The following JPT2 variants were observed in gnomAD, a reference collection of about 807,000 sequenced individuals.
The protein encoded by JPT2 is CRAMP_1 like.
A neutral mutation model predicts 15.9 loss-of-function variants in JPT2; 9 were observed. The ratio of observed to expected loss-of-function variants is 0.57; its 90% CI spans 0.34 to 0.99. The LOEUF (loss-of-function observed/expected upper bound fraction) is 0.99. JPT2 is among the 50% of genes least tolerant of loss of function. JPT2 has a pLI of 0.02. For synonymous variants in JPT2, 95 were observed against 91.7 expected (o/e 1.04, Z -0.21); for missense variants, 267 against 252.1 (o/e 1.06, Z -0.40).
chr16:1,702,508 G>A (rs930652045), downstream of JPT2, among the ~76,000 whole-genome samples: 6 of 152,354 alleles, frequency 3.9e-5, no homozygotes, highest in South Asian at 2.1e-4. Context: ...AACAGACCCC[G>A]AAGGGTTGCC....
chr16:1,692,594 G>A (rs934145473), intron 3 of JPT2: 5 of 154,864 alleles, frequency 3.2e-5, no homozygotes, highest in African/African-American at 1.2e-4. Flanking sequence ...TATGGTGGAG[G>A]GCTTGCCTAA....
intron 1 of JPT2, 75 bp downstream of exon 1, chr16:1,678,431 A>G: frequency 1.2e-6 from 1 of 825,438 alleles, no homozygotes; most frequent in Non-Finnish European, 1.5e-6. Flanking sequence ...CAGGGCGTCC[A>G]CCAGCCGTGT....
intron 3 of JPT2, among the ~76,000 whole-genome samples, chr16:1,696,863 A>T (rs1045530752): frequency 6.6e-6 from 1 of 152,212 alleles, no homozygotes; most frequent in Non-Finnish European, 1.5e-5. Flanking sequence ...GCCCTCGTGC[A>T]TTGCTAGTGG....
chr16:1,702,352 C>G (rs2037185370), downstream of JPT2: 5 of 310,588 alleles, frequency 1.6e-5, no homozygotes, highest in South Asian at 1.0e-4. Context: ...AAATGACACG[C>G]TAAGTTTCCT....
chr16:1,692,157 A>G, intron 3 of JPT2, 172 bp downstream of exon 3: 1 of 835,574 alleles, frequency 1.2e-6, no homozygotes, highest in East Asian at 2.7e-5. Context: ...TGAGTCACCC[A>G]GGAAACAGTC....
intron 1 of JPT2, among the ~76,000 whole-genome samples, chr16:1,684,028 A>G (rs1191449249): frequency 6.6e-6 from 1 of 152,210 alleles, no homozygotes; most frequent in East Asian, 1.9e-4. Flanking sequence ...CTAGGTTACA[A>G]GGTTACATAT....
In JPT2 at chr16:1,685,452, C is replaced by G. The variant is rs371303987; in HGVS notation, c.58C>G (p.Pro20Ala). ...GRAGSRAMKP[P>A]GGESSNLFGS... ...CTGTGCTTGTAGGGCCATGAAGCCC[C>G]CAGGAGGAGAATCGAGCAATCTTTT... Residue 20 changes from proline (P) to alanine (A), a missense_variant, in exon 2 of 5, where the codon CCA becomes GCA. Pro to Ala is a conservative substitution (Grantham distance 27). Coordinates refer to ENST00000248098, the MANE Select transcript of JPT2 (RefSeq NM_144570.3). 1.2e-6 allele frequency: 2 copies of G among 1,613,986 alleles called. No homozygotes were observed. Among genetic ancestry groups the G allele is most frequent in the African/African-American group, 1.3e-5 (1 of 74,898 alleles).
chr16:1,680,428 G>A, intron 1 of JPT2: 1 of 1,201,560 alleles, frequency 8.3e-7, no homozygotes, highest in Non-Finnish European at 1.1e-6. Flanking sequence ...TGGACAAGGT[G>A]TTGAGAAAGG....
At chr16:1,690,404 C>T (rs372890532) in intron 2 of JPT2, 43 of 152,348 alleles carry the variant, frequency 2.8e-4, no homozygotes, top group African/African-American at 9.9e-4. Flanking sequence ...CTAAAAGCTC[C>T]TCTGTCTCTG....
chr16:1,694,014 C>T (rs141374332), intron 3 of JPT2, among the ~76,000 whole-genome samples: 34 of 152,100 alleles, frequency 2.2e-4, no homozygotes, highest in Middle Eastern at 3.4e-3. Context: ...CTCGTCACTG[C>T]GAAAGCGGGC....
chr16:1,697,828 G>A lies in JPT2; in HGVS notation c.353G>A (p.Cys118Tyr). The A allele has an allele frequency of 6.2e-7, 1 of 1,613,990 alleles. No homozygotes were observed. The highest frequency in any genetic ancestry group is 1.3e-5 in the African/African-American group (1 of 75,022). The change falls in exon 4 of 5, where the codon TGT becomes TAT. Residue 118 changes from cysteine to tyrosine, a missense_variant. Cys to Tyr is a radical substitution (Grantham distance 194). Transcript: ENST00000248098. ...PNKPKDHVFL[C>Y]EGEEPKSDLK... ...TTGTTGCAGGATCATGTTTTCTTATGTGAAGGAGAAGAACCAAAATCGGAT... is the reference window on the plus strand; with the variant it reads ...TTGTTGCAGGATCATGTTTTCTTATATGAAGGAGAAGAACCAAAATCGGAT...
Position 1,699,083 on chromosome 16 carries a change from C to A in JPT2, c.*85C>A, listed in dbSNP as rs756821066. The A allele has an allele frequency of 1.4e-6, 2 of 1,407,688 alleles. No homozygotes were observed. The highest frequency in any genetic ancestry group is 1.7e-5 in the Admixed American group (1 of 59,262). The allele number at this position is 1,407,688 out of a possible 1,614,324, so 87.2% of individuals were successfully genotyped here. ...TTTCATTTCCTTTTGCCCAAATGAG[C>A]GGGGTGGGAAGAGGGTTAGTCTTAT... On this transcript the variant is annotated 3_prime_UTR_variant, in exon 5 of 5. Coordinates refer to ENST00000248098, the MANE Select transcript of JPT2 (RefSeq NM_144570.3).
chr16:1,687,220 C>G (rs1308918637), intron 2 of JPT2, among the ~76,000 whole-genome samples: 1 of 152,180 alleles, frequency 6.6e-6, no homozygotes, highest in African/African-American at 2.4e-5. Flanking sequence ...CTCCTGGGCT[C>G]AAGCCATCTG....
intron 3 of JPT2, among the ~76,000 whole-genome samples, chr16:1,695,779 G>A (rs1336740552): frequency 6.6e-6 from 1 of 151,888 alleles, no homozygotes; most frequent in Non-Finnish European, 1.5e-5. Flanking sequence ...GCTGAGTTGG[G>A]AGGATCACTT....
Position 1,698,716 on chromosome 16 carries a change from G to C in JPT2, c.386-95G>C. ...CCAGTTACAGCATGAATTTCTTGCA[G>C]GTTGCTCTATGACACACTTTTTATT... On this transcript the variant is annotated intron_variant, in intron 4 of 4. Coordinates refer to ENST00000248098, the MANE Select transcript of JPT2 (RefSeq NM_144570.3). This position sits in a 1 kb window ranked among gnomAD's most constrained non-coding sequence, Gnocchi z 4.9. 8.1e-7 allele frequency: 1 copy of C among 1,241,504 alleles called. No homozygotes were observed. The highest frequency in any genetic ancestry group is 1.5e-5 in the South Asian group (1 of 64,758). 76.9% of individuals were successfully genotyped at this position (1,241,504 alleles called of 1,614,324 possible).
intron 1 of JPT2, among the ~76,000 whole-genome samples, chr16:1,683,977 A>G (rs1022889029): frequency 3.9e-5 from 6 of 152,242 alleles, no homozygotes; most frequent in Admixed American, 1.3e-4. Context: ...TAATGTTTGC[A>G]TATAACCTAT....
chr16:1,699,229 T>G lies in JPT2; in HGVS notation c.*231T>G. ...ATGGGGCACCCCTGGCCATCACTCA[T>G]GTGTAGTCCAGGTTTGAGAGGAACT... On this transcript the variant is annotated 3_prime_UTR_variant, in exon 5 of 5. Transcript: ENST00000248098. 4 of 625,826 alleles carry G rather than the reference T, an allele frequency of 6.4e-6. No homozygotes were observed. Among genetic ancestry groups the G allele is most frequent in the East Asian group, 3.3e-5 (1 of 30,476 alleles). The allele number at this position is 625,826 out of a possible 1,614,324, so 38.8% of individuals were successfully genotyped here.
Position 1,701,803 on chromosome 16 carries a change from A to G in JPT2, c.*2805A>G, listed in dbSNP as rs896099611. The G allele has an allele frequency of 1.9e-4, 37 of 191,754 alleles. No homozygotes were observed. Among genetic ancestry groups the G allele is most frequent in the Non-Finnish European group, 3.7e-4 (33 of 89,648 alleles). 11.9% of individuals were successfully genotyped at this position (191,754 alleles called of 1,614,324 possible). On this transcript the variant is annotated 3_prime_UTR_variant, in exon 5 of 5. Transcript: ENST00000248098. ...GTAGTCTTTGGGTCTTTGGGAGGCC[A>G]GGGTGGGAGGATCACTTGAGCTCAG... is the stretch of plus-strand genomic sequence containing the variant.
At chr16:1,681,302 G>A (rs1342150192) in intron 1 of JPT2, among the ~76,000 whole-genome samples, 2 of 152,200 alleles carry the variant, frequency 1.3e-5, no homozygotes, top group Admixed American at 6.5e-5. Flanking sequence ...AGTGGGACCT[G>A]TTGCCTTTGT....
Sources: allele counts gnomAD v4.1 joint callset (sites outside exome capture counted in the v4.1 genomes callset), GRCh38; gene constraint gnomAD v4.1.1; non-coding constraint Gnocchi (gnomAD v3.1); transcripts MANE v1.5; gene names NCBI Gene and HGNC (gene_info 2026-07-23, HGNC 2026-07-21).